Variants in TH observed in about 807,000 individuals in gnomAD.
TH encodes the protein tyrosine 3-monooxygenase.
In TH, 49 loss-of-function variants were observed where a neutral mutation model predicts 57.4. That is an observed-to-expected ratio of 0.85 (90% CI 0.68 to 1.08). The LOEUF (loss-of-function observed/expected upper bound fraction) is 1.08. TH is among the 50% of genes least tolerant of loss of function. The pLI is 0.00. For missense variants in TH, 720 were observed against 696.7 expected, an observed-to-expected ratio of 1.03 and a Z score of -0.38; for synonymous variants, 330 against 304.5, an observed-to-expected ratio of 1.08 and a Z score of -0.87.
intron 5 of TH, 30 bp from the exon 6 acceptor site, chr11:2,167,515 C>T: frequency 6.4e-7 from 1 of 1,551,876 alleles, no homozygotes; most frequent in Non-Finnish European, 8.7e-7. Flanking sequence ...TCAGCAGGTC[C>T]CCTCGGGGAG....
chr11:2,171,666 G>A lies in TH; in HGVS notation c.90+31C>T. On this transcript the variant is annotated intron_variant, in intron 1 of 12. Transcript: ENST00000352909. This position sits in a 1 kb window ranked among gnomAD's most constrained non-coding sequence, Gnocchi z 8.6. Reference sequence around the variant, plus strand: ...CACCAGCCCTGGGCTCCGGTCCACTGCGGCCGCCGGGCACCTACCTGCCCT... The same window carrying A: ...CACCAGCCCTGGGCTCCGGTCCACTACGGCCGCCGGGCACCTACCTGCCCT... The A allele has an allele frequency of 6.2e-7, 1 of 1,607,026 alleles. No individual in the cohort carries two copies. The highest frequency in any genetic ancestry group is 1.1e-5 in the South Asian group (1 of 90,962).
intron 12 of TH, 55 bp from the exon 13 acceptor site, chr11:2,164,447 C>T: frequency 6.5e-7 from 1 of 1,536,448 alleles, no homozygotes; most frequent in Non-Finnish European, 8.8e-7. Flanking sequence ...TCTGCAGCCT[C>T]CAGGAGAGGG....
intron 9 of TH, 153 bp downstream of exon 9, chr11:2,166,327 C>T: frequency 1.8e-6 from 2 of 1,115,046 alleles, no homozygotes; most frequent in Non-Finnish European, 1.3e-6. Flanking sequence ...TCCAGCCCCG[C>T]CCTATGCCGC....
Position 2,171,651 on chromosome 11 carries a change from G to A in TH, c.90+46C>T. The A allele has an allele frequency of 1.9e-6, 3 of 1,597,838 alleles. No homozygotes were observed. The highest frequency in any genetic ancestry group is 2.6e-6 in the Non-Finnish European group (3 of 1,172,876). On this transcript the variant is annotated intron_variant, in intron 1 of 12. Transcript: ENST00000352909. This position sits in a 1 kb window ranked among gnomAD's most constrained non-coding sequence, Gnocchi z 8.6. ...AGCAGAGGCAGCTGGCACCAGCCCT[G>A]GGCTCCGGTCCACTGCGGCCGCCGG...
rs1846094680 is a variant in TH at position 2,166,512 on chromosome 11, GCATGGGCA to G, written c.1007_1014del (p.Val336AlafsTer23). The G allele has an allele frequency of 6.3e-7, 1 of 1,599,874 alleles. No homozygotes were observed. The highest frequency in any genetic ancestry group is 1.3e-5 in the African/African-American group (1 of 74,794). On this transcript the variant is annotated frameshift_variant, in exon 9 of 13. Coordinates refer to ENST00000352909, the MANE Select transcript of TH (RefSeq NM_000360.4). LOFTEE classifies it high-confidence loss of function. ...AACTGCGCGAAGGTGCGGTCGGCCA[GCATGGGCA>G]CGTGCCCCAGCAGCTCGTGGCAGCA... is the stretch of plus-strand genomic sequence containing the variant.
intron 11 of TH, 108 bp downstream of exon 11, chr11:2,165,560 C>A: frequency 7.3e-7 from 1 of 1,370,986 alleles, no homozygotes; most frequent in Non-Finnish European, 1.0e-6. Flanking sequence ...GAGCCTGAGT[C>A]CTGGAGGTCC....
Position 2,170,057 on chromosome 11 carries a change from G to A in TH, c.91-186C>T, listed in dbSNP as rs900396584. Among the ~76,000 whole-genome samples, 9 of 152,202 alleles carry A rather than the reference G, an allele frequency of 5.9e-5. No individual in the cohort carries two copies. The highest frequency in any genetic ancestry group is 1.9e-4 in the African/African-American group (8 of 41,456). ...GCCGAGGTGCCTGCGGGCATTGCAC[G>A]CCCTTCCCGATGGGGGCAGCCCAGT... On this transcript the variant is annotated intron_variant, in intron 1 of 12. Coordinates refer to ENST00000352909, the MANE Select transcript of TH (RefSeq NM_000360.4). The surrounding 1 kb of genome is among the most constrained non-coding windows in gnomAD (Gnocchi z 6.0).
At position 2,170,790 on chromosome 11, in the gene TH, TG is replaced by T; in HGVS notation, c.90+906del. On this transcript the variant is annotated intron_variant, in intron 1 of 12. Coordinates refer to ENST00000352909, the MANE Select transcript of TH (RefSeq NM_000360.4). The surrounding 1 kb of genome is among the most constrained non-coding windows in gnomAD (Gnocchi z 6.0). Reference sequence around the variant, plus strand: ...GGCGCCCTGGGGAGGGGATGCCTGATGGGGAGCCTGGTGGGGGAGGGTAGGG... The same window carrying T: ...GGCGCCCTGGGGAGGGGATGCCTGATGGGAGCCTGGTGGGGGAGGGTAGGG... The T allele has an allele frequency of 4.0e-6, 2 of 501,846 alleles. No individual in the cohort carries two copies. The highest frequency in any genetic ancestry group is 4.7e-6 in the Non-Finnish European group (2 of 423,572). 31.1% of individuals were successfully genotyped at this position (501,846 alleles called of 1,614,324 possible).
At chr11:2,168,358 G>T in intron 3 of TH, 133 bp downstream of exon 3, 4 of 1,384,774 alleles carry the variant, frequency 2.9e-6, no homozygotes, top group Non-Finnish European at 4.0e-6. Flanking sequence ...GCAAAACGGG[G>T]TGCGGAGTGG....
intron 1 of TH, 51 bp from the exon 2 acceptor site, chr11:2,169,922 A>C (rs1241041845): frequency 1.9e-6 from 3 of 1,551,288 alleles, no homozygotes; most frequent in East Asian, 2.4e-5. Context: ...AGACCCGGGG[A>C]CCTCCACCCA....
At position 2,167,021 on chromosome 11, in the gene TH, T is replaced by C; in HGVS notation, c.707A>G (p.Tyr236Cys). 1 of 1,583,684 alleles carries C rather than the reference T, an allele frequency of 6.3e-7. No homozygotes were observed. The highest frequency in any genetic ancestry group is 1.2e-5 in the South Asian group (1 of 86,734). The change falls in exon 7 of 13, where the codon TAC becomes TGC. Residue 236 changes from tyrosine to cysteine, a missense_variant. Physicochemically the swap from Tyr to Cys is radical, Grantham distance 194 (BLOSUM62 -2). Transcript: ENST00000352909. Reference sequence around the variant, plus strand: ...GGCGTAGAGGCCCTTCAGCGTGGTGTAGACCTCCTTCCTGCGGGCAGCCAG... The same window carrying C: ...GGCGTAGAGGCCCTTCAGCGTGGTGCAGACCTCCTTCCTGCGGGCAGCCAG... ...AEEIATWKEV[Y>C]TTLKGLYATH...
intron 2 of TH, 58 bp downstream of exon 2, chr11:2,169,592 C>T: frequency 6.4e-7 from 1 of 1,566,142 alleles, no homozygotes; most frequent in Admixed American, 1.7e-5. Context: ...GGAACTCAGC[C>T]CACACAGCCC....
At chr11:2,165,851 A>G in intron 10 of TH, 88 bp from the exon 11 acceptor site, 1 of 1,524,618 alleles carries the variant, frequency 6.6e-7, no homozygotes, top group Non-Finnish European at 8.9e-7. Flanking sequence ...TACCACCCCC[A>G]GGGAGGCCAG....
At position 2,164,398 on chromosome 11, in the gene TH, G is replaced by A. The variant is rs1846025199; in HGVS notation, c.1335-6C>T. ...GGATGCGTGAGGCATAGCTCCTGGG[G>A]AGGAGAGCGGCAGAGCCCTCGTCAA... is the stretch of plus-strand genomic sequence containing the variant. On this transcript the variant is annotated splice_polypyrimidine_tract_variant and splice_region_variant and intron_variant, in intron 12 of 12. Transcript: ENST00000352909. 1.3e-6 allele frequency: 2 copies of A among 1,546,900 alleles called. No individual in the cohort carries two copies. Among genetic ancestry groups the A allele is most frequent in the South Asian group, 1.2e-5 (1 of 82,530 alleles).
Position 2,166,420 on chromosome 11 carries a change from C to A in TH, c.1047+60G>T. 5 of 1,521,982 alleles carry A rather than the reference C, an allele frequency of 3.3e-6. No individual in the cohort carries two copies. In the South Asian group the frequency reaches 4.8e-5, roughly 15 times the overall value. The allele number at this position is 1,521,982 out of a possible 1,614,324, so 94.3% of individuals were successfully genotyped here. A position where few individuals can be genotyped will look rare whatever the true frequency, so the allele number is the denominator to read the frequency against. On this transcript the variant is annotated intron_variant, in intron 9 of 12. Transcript: ENST00000352909. ...ACCCACCCGCACATCGATCCCCGCC[C>A]GCCCCCGGCGCCAAGCCAGCCCCTG...
At position 2,168,603 on chromosome 11, in the gene TH, G is replaced by T; in HGVS notation, c.375C>A (p.Gly125=). The change falls in exon 3 of 13, where the codon GGC becomes GGA. Residue 125 remains glycine, a synonymous_variant. Transcript: ENST00000352909. ...GGCGCACGAAGTACTCCAGGTGGGG[G>T]CCCCCAGCTCGCGGCCTCTGGGCGG... ...TRPAQRPRAG[G]PHLEYFVRLE... is the part of the protein sequence containing the mutation. The T allele has an allele frequency of 6.2e-7, 1 of 1,611,952 alleles. No homozygotes were observed. The highest frequency in any genetic ancestry group is 8.5e-7 in the Non-Finnish European group (1 of 1,179,718).
rs757849221 is a variant in TH at position 2,168,105 on chromosome 11, C to G, written c.562G>C (p.Asp188His). 21 of 1,613,406 alleles carry G rather than the reference C, an allele frequency of 1.3e-5. No individual in the cohort carries two copies. The highest frequency in any genetic ancestry group is 1.8e-5 in the Non-Finnish European group (21 of 1,180,024). The part of the protein sequence containing the change: ...HLVTKFDPDL[D>H]LDHPGFSDQV... ...GCACCACTCACCGGGTGGTCCAAGT[C>G]CAGGTCAGGGTCGAACTTGGTGACC... is the stretch of plus-strand genomic sequence containing the variant. The change falls in exon 4 of 13, where the codon GAC (aspartate) becomes CAC (histidine). Residue 188 changes from aspartate to histidine, a missense_variant. Asp to His is a moderately conservative substitution (Grantham distance 81). Transcript: ENST00000352909.
Position 2,168,091 on chromosome 11 carries a change from C to A in TH, c.576G>T (p.Pro192=). Residue 192 remains proline, a splice_region_variant and synonymous_variant, in exon 4 of 13, where the codon CCG becomes CCT. Transcript: ENST00000352909. Reference sequence around the variant, plus strand: ...CCTGAGTGAGGGGCGCACCACTCACCGGGTGGTCCAAGTCCAGGTCAGGGT... The same window carrying A: ...CCTGAGTGAGGGGCGCACCACTCACAGGGTGGTCCAAGTCCAGGTCAGGGT... ...KFDPDLDLDH[P]GFSDQVYRQR... 6.2e-7 allele frequency: 1 copy of A among 1,613,058 alleles called. No homozygotes were observed.
In TH at chr11:2,168,672, G is replaced by A; in HGVS notation, c.313-7C>T. 1.5e-6 allele frequency: 2 copies of A among 1,369,304 alleles called. No homozygotes were observed. The highest frequency in any genetic ancestry group is 1.9e-6 in the Non-Finnish European group (2 of 1,028,208). 84.8% of individuals were successfully genotyped at this position (1,369,304 alleles called of 1,614,324 possible). On this transcript the variant is annotated splice_polypyrimidine_tract_variant and splice_region_variant and intron_variant, in intron 2 of 12. Transcript: ENST00000352909. Reference sequence around the variant, plus strand: ...GGATTTTGGCTTCAAACGTCTTAGGGAGCAAAAGCAGGAAGAGAGAGAGAA... The same window carrying A: ...GGATTTTGGCTTCAAACGTCTTAGGAAGCAAAAGCAGGAAGAGAGAGAGAA...
Sources: gnomAD v4.1 joint callset for allele counts (sites outside exome capture counted in the v4.1 genomes callset) on GRCh38, gnomAD v4.1.1 for gene constraint, Gnocchi (gnomAD v3.1) non-coding constraint, MANE v1.5 for transcripts, NCBI Gene and HGNC (gene_info 2026-07-23, HGNC 2026-07-21) for gene names.